Variants in IWS1 observed in about 807,000 individuals in gnomAD.
IWS1 encodes interacts with SUPT6H, CTD assembly factor 1.
Under a neutral mutation model 86.7 loss-of-function variants are expected in IWS1, and 27 were observed. The observed-to-expected ratio is 0.31, with a 90% CI of 0.23 to 0.43. IWS1 has a LOEUF of 0.43. IWS1 is among the 20% of genes least tolerant of loss of function. The pLI is 1.00. For synonymous variants in IWS1, 313 were observed against 335.1 expected, an observed-to-expected ratio of 0.93 and a Z score of 0.72; for missense variants, 827 against 1,000.8, an observed-to-expected ratio of 0.83 and a Z score of 2.34.
At chr2:127,493,191 CAT>C in intron 9 of IWS1, 88 bp downstream of exon 9, 1 of 1,166,656 alleles carries the variant, frequency 8.6e-7, no homozygotes, top group Non-Finnish European at 1.1e-6. Flanking sequence ...GCAGAGATAA[CAT>C]ATAAAAACAC....
intron 2 of IWS1, among the ~76,000 whole-genome samples, chr2:127,520,700 TG>T (rs771143773): frequency 2.0e-5 from 3 of 152,230 alleles, no homozygotes; most frequent in Non-Finnish European, 4.4e-5. Context: ...AGCCTTAAAA[TG>T]TCTTAGTCTC....
intron 13 of IWS1, among the ~76,000 whole-genome samples, chr2:127,483,745 T>C (rs1689784642): frequency 6.6e-6 from 1 of 151,794 alleles, no homozygotes; most frequent in African/African-American, 2.4e-5. Flanking sequence ...TTCTCCTACC[T>C]CACCCTCCCA....
intron 2 of IWS1, among the ~76,000 whole-genome samples, chr2:127,512,893 T>C (rs1169984289): frequency 1.3e-5 from 2 of 152,264 alleles, no homozygotes; most frequent in African/African-American, 2.4e-5. Flanking sequence ...TCACACATTA[T>C]ATAAACTTAA....
At chr2:127,523,455 C>A (rs1193626994) in intron 2 of IWS1, among the ~76,000 whole-genome samples, 1 of 152,174 alleles carries the variant, frequency 6.6e-6, no homozygotes, top group African/African-American at 2.4e-5. Context: ...AACTGCCTAA[C>A]ATTTGAAATG....
At chr2:127,515,632 G>C (rs1442806048) in intron 2 of IWS1, among the ~76,000 whole-genome samples, 1 of 152,264 alleles carries the variant, frequency 6.6e-6, no homozygotes, top group Admixed American at 6.5e-5. Context: ...AAGCTCTACC[G>C]ACCTCCCCAG....
At chr2:127,497,006 T>C (rs1057406758) in intron 6 of IWS1, among the ~76,000 whole-genome samples, 6 of 152,220 alleles carry the variant, frequency 3.9e-5, no homozygotes, top group African/African-American at 1.4e-4. Flanking sequence ...GGTTTTACCA[T>C]ACAGCCTAGG....
In IWS1 at chr2:127,526,452, T is replaced by C. The variant is rs545926253; in HGVS notation, c.-244A>G. The C allele has an allele frequency of 2.5e-4, 376 of 1,533,946 alleles. 7 individuals are homozygous for C. The South Asian group carries it at 4.2e-3, about 17-fold the overall frequency. ...CGGGCAGGCATGCGAGCCGGCGTTCTACTTCCTAGAAGCACCGCTGGGGCC... is the reference window on the plus strand; with the variant it reads ...CGGGCAGGCATGCGAGCCGGCGTTCCACTTCCTAGAAGCACCGCTGGGGCC... On this transcript the variant is annotated 5_prime_UTR_variant, in exon 1 of 14. Coordinates refer to ENST00000295321, the MANE Select transcript of IWS1 (RefSeq NM_017969.3).
rs750095579 is a variant in IWS1, at chr2:127,481,085, C to A, written c.2419G>T (p.Ala807Ser). 3.1e-6 allele frequency: 5 copies of A among 1,612,308 alleles called. No homozygotes were observed. The highest frequency in any genetic ancestry group is 8.5e-7 in the Non-Finnish European group (1 of 1,179,468). ...DIRKKSRSAH[A>S]VKISIEGNKM... ...TTGCCCTCAATGCTGATTTTCACTG[C>A]GTGTGCAGATCTGCTTTTTTTCCTT... The change falls in exon 14 of 14, where the codon GCA (alanine) becomes TCA (serine). Residue 807 changes from alanine to serine, a missense_variant. Physicochemically the swap from Ala to Ser is moderately conservative, Grantham distance 99. Around this residue, in one of 2 missense-constraint regions of IWS1, gnomAD observed 279 missense variants for 440.6 expected, o/e 0.63. Transcript: ENST00000295321.
rs945807301 is a variant in IWS1, at chr2:127,495,864, T to C, written c.1716+134A>G. The stretch of plus-strand genomic sequence containing the variant: ...AATTAAAATATTTCCATGATTAAAA[T>C]TGAGAACAGTAAATGCTTTATTACA... On this transcript the variant is annotated intron_variant, in intron 7 of 13. Coordinates refer to ENST00000295321, the MANE Select transcript of IWS1 (RefSeq NM_017969.3). 2.1e-5 allele frequency: 16 copies of C among 770,162 alleles called. No individual in the cohort carries two copies. In the African/African-American group the frequency reaches 2.3e-4, roughly 11 times the overall value. The allele number at this position is 770,162 out of a possible 1,614,324, so 47.7% of individuals were successfully genotyped here.
intron 2 of IWS1, among the ~76,000 whole-genome samples, chr2:127,512,321 A>T: frequency 6.6e-6 from 1 of 152,256 alleles, no homozygotes; most frequent in Non-Finnish European, 1.5e-5. Context: ...AACTAGTTAC[A>T]ACTAGGTCAC....
intron 8 of IWS1, among the ~76,000 whole-genome samples, chr2:127,494,245 T>TAAAAAA (rs11327472): frequency 3.2e-5 from 3 of 94,086 alleles, no homozygotes; most frequent in Non-Finnish European, 6.1e-5. Flanking sequence ...TGTCTCTAAT[T>TAAAAAA]AAAAAAAAAA....
rs1553434819 is a variant in IWS1, at chr2:127,499,749, G to GT, written c.1468-1513dup. On this transcript the variant is annotated intron_variant, in intron 5 of 13. Transcript: ENST00000295321. The surrounding 1 kb of genome is among the most constrained non-coding windows in gnomAD (Gnocchi z 4.0). ...ATTGCATTGGTTAAAAATAAGTATT[G>GT]TTTTTTTTTTGACCCAAGAACTATT... 6.4e-3 allele frequency among the ~76,000 whole-genome samples: 944 copies of GT among 147,134 alleles called. 12 individuals carry two copies. The highest frequency in any genetic ancestry group is 0.021 in the African/African-American group (864 of 40,440).
At position 127,503,535 on chromosome 2, in the gene IWS1, CAG is replaced by C; in HGVS notation, c.1259_1260del (p.Ser420Ter). 2.5e-6 allele frequency: 4 copies of C among 1,612,118 alleles called. No individual in the cohort carries two copies. The highest frequency in any genetic ancestry group is 3.4e-6 in the Non-Finnish European group (4 of 1,179,038). Reference sequence around the variant, plus strand: ...GACTTGTCTGATACAGCATCACTGTCAGAGTCATCTGCATCAGAGACAACACG... The same window carrying C: ...GACTTGTCTGATACAGCATCACTGTCAGTCATCTGCATCAGAGACAACACG... ...KSRVVSDADD[S>X]DSDAVSDKSG... On this transcript the variant is annotated frameshift_variant, in exon 4 of 14. Coordinates refer to ENST00000295321, the MANE Select transcript of IWS1 (RefSeq NM_017969.3). LOFTEE classifies it high-confidence loss of function.
intron 2 of IWS1, among the ~76,000 whole-genome samples, chr2:127,514,139 T>A (rs1691630319): frequency 6.6e-6 from 1 of 152,154 alleles, no homozygotes. Flanking sequence ...ACTCCCCAAT[T>A]CTGAGCCTAT....
intron 2 of IWS1, among the ~76,000 whole-genome samples, chr2:127,516,863 T>C (rs1349154193): frequency 1.3e-5 from 2 of 151,426 alleles, no homozygotes; most frequent in South Asian, 2.1e-4. Flanking sequence ...TTCTCCAGGA[T>C]AGACTATGTG....
At chr2:127,493,515 G>T in intron 8 of IWS1, 105 bp from the exon 9 acceptor site, 1 of 997,292 alleles carries the variant, frequency 1.0e-6, no homozygotes, top group Non-Finnish European at 1.4e-6. Context: ...CTTTTAAAGC[G>T]TTACTCATAT....
Position 127,505,800 on chromosome 2 carries a change from A to AC in IWS1, c.151-49dup. On this transcript the variant is annotated intron_variant, in intron 2 of 13. Coordinates refer to ENST00000295321, the MANE Select transcript of IWS1 (RefSeq NM_017969.3). This position sits in a 1 kb window ranked among gnomAD's most constrained non-coding sequence, Gnocchi z 5.0. ...ATTAGGAAAGTGCAAAAAAAAAAAA[A>AC]CCATTAATAATAAAACATTAAATTT... The AC allele has an allele frequency of 1.7e-6, 2 of 1,155,672 alleles. No individual in the cohort carries two copies. Among genetic ancestry groups the AC allele is most frequent in the Non-Finnish European group, 2.4e-6 (2 of 827,028 alleles). 71.6% of individuals were successfully genotyped at this position (1,155,672 alleles called of 1,614,324 possible).
intron 2 of IWS1, among the ~76,000 whole-genome samples, chr2:127,518,514 AAAAAAG>A (rs892199873): frequency 6.6e-5 from 10 of 152,070 alleles, no homozygotes; most frequent in Admixed American, 3.9e-4. Context: ...ATTCTGCCTC[AAAAAAG>A]AAAAAGAAAA....
intron 1 of IWS1, among the ~76,000 whole-genome samples, chr2:127,525,898 T>C (rs779528057): frequency 2.6e-5 from 4 of 152,198 alleles, no homozygotes; most frequent in Non-Finnish European, 5.9e-5. Context: ...CACCTCTCCT[T>C]CCCTGCACAC....
Sources: allele counts gnomAD v4.1 joint callset (sites outside exome capture counted in the v4.1 genomes callset), GRCh38; gene constraint gnomAD v4.1.1; regional missense constraint gnomAD v4.1.1; non-coding constraint Gnocchi (gnomAD v3.1); transcripts MANE v1.5; gene names NCBI Gene and HGNC (gene_info 2026-07-23, HGNC 2026-07-21).